UBXN8: variants seen among roughly 807,000 people sequenced by gnomAD.
UBXN8 encodes UBX domain-containing protein 8.
A neutral mutation model predicts 32.1 loss-of-function variants in UBXN8; 27 were observed. That is an observed-to-expected ratio of 0.84 (90% CI 0.62 to 1.16). The LOEUF (loss-of-function observed/expected upper bound fraction) is 1.16. UBXN8 is among the 50% of genes most tolerant of loss of function. The pLI is 0.00. For missense variants in UBXN8, 306 were observed against 311.4 expected (o/e 0.98, Z 0.13); for synonymous variants, 109 against 111.8 (o/e 0.98, Z 0.16).
intron 5 of UBXN8, among the ~76,000 whole-genome samples, chr8:30,760,094 C>T (rs1351358832): frequency 3.7e-5 from 5 of 136,732 alleles, no homozygotes; most frequent in Non-Finnish European, 7.7e-5. Context: ...TGGAGGCTTG[C>T]TCTGTCACCC....
Position 30,753,098 on chromosome 8 carries a change from G to T in UBXN8, c.275G>T (p.Gly92Val). 1.3e-6 allele frequency: 2 copies of T among 1,524,412 alleles called. No individual in the cohort carries two copies. Among genetic ancestry groups the T allele is most frequent in the East Asian group, 2.5e-5 (1 of 40,416 alleles). 94.4% of individuals were successfully genotyped at this position (1,524,412 alleles called of 1,614,324 possible). The stretch of plus-strand genomic sequence containing the variant: ...AGAAAAAAACAACAAGAAGCACAAG[G>T]AGAGAAGGTAAGGCAGAATTTTTAG... ...LVRKKQQEAQ[G>V]EKASRYIENV... Residue 92 changes from glycine to valine, a missense_variant, in exon 3 of 8, where the codon GGA becomes GTA. Coordinates refer to ENST00000265616, the MANE Select transcript of UBXN8 (RefSeq NM_005671.4).
intron 1 of UBXN8, among the ~76,000 whole-genome samples, chr8:30,736,679 G>A (rs996636250): frequency 2.6e-5 from 4 of 152,096 alleles, no homozygotes; most frequent in Non-Finnish European, 5.9e-5. Flanking sequence ...TACCGTGTTG[G>A]CCAGGCTAGT....
At chr8:30,745,441 C>T (rs777834140) in intron 1 of UBXN8, among the ~76,000 whole-genome samples, 12 of 152,132 alleles carry the variant, frequency 7.9e-5, no homozygotes, top group Non-Finnish European at 1.5e-4. Flanking sequence ...ACATGTCTGT[C>T]TCCCTTTTTA....
intron 5 of UBXN8, among the ~76,000 whole-genome samples, chr8:30,759,606 A>T (rs1316227029): frequency 1.3e-5 from 2 of 151,432 alleles, no homozygotes; most frequent in Non-Finnish European, 2.9e-5. Context: ...ACCAAAGTGA[A>T]TGGTTTCTGG....
chr8:30,751,238 G>T (rs1805514170), intron 1 of UBXN8, among the ~76,000 whole-genome samples, 158 bp from the exon 2 acceptor site: 1 of 152,092 alleles, frequency 6.6e-6, no homozygotes, highest in African/African-American at 2.4e-5. Flanking sequence ...TTTGGGTTGG[G>T]CATGTTGGCT....
intron 7 of UBXN8, among the ~76,000 whole-genome samples, chr8:30,764,258 T>C (rs2128757125): frequency 6.6e-6 from 1 of 152,360 alleles, no homozygotes; most frequent in East Asian, 1.9e-4. Context: ...TGGATTTGAC[T>C]ACATAAAAAT....
chr8:30,760,383 GT>G lies in UBXN8; in HGVS notation c.529-500del, dbSNP rs1170822839. On this transcript the variant is annotated intron_variant, in intron 5 of 7. Transcript: ENST00000265616. ...GCTGATACATGTTAACATTTATCCTGTTTTTATATGTATGTATGTGTATATG... is the reference window on the plus strand; with the variant it reads ...GCTGATACATGTTAACATTTATCCTGTTTTATATGTATGTATGTGTATATG... 8.9e-5 allele frequency among the ~76,000 whole-genome samples: 12 copies of G among 134,484 alleles called. No individual in the cohort carries two copies. In the East Asian group the frequency reaches 2.5e-3, roughly 28 times the overall value. 88.2% of individuals were successfully genotyped at this position (134,484 alleles called of 152,430 possible). A position where few individuals can be genotyped will look rare whatever the true frequency, so the allele number is the denominator to read the frequency against.
At chr8:30,743,392 G>T (rs1371814321), upstream of UBXN8, among the ~76,000 whole-genome samples, 2 of 148,022 alleles carry the variant, frequency 1.4e-5, no homozygotes. Flanking sequence ...CTGACCTTGT[G>T]ATCCGCCCGC....
At chr8:30,753,219 A>C in intron 3 of UBXN8, 114 bp downstream of exon 3, 1 of 1,304,808 alleles carries the variant, frequency 7.7e-7, no homozygotes, top group East Asian at 3.0e-5. Context: ...AAAATATATA[A>C]TGAGGTCAAA....
chr8:30,734,939 T>A (rs2128751689), intron 1 of UBXN8, among the ~76,000 whole-genome samples: 1 of 152,136 alleles, frequency 6.6e-6, no homozygotes, highest in African/African-American at 2.4e-5. Flanking sequence ...TGAGACCGTG[T>A]CTCAAAAAAA....
At chr8:30,752,997 T>G (rs1330600559) in intron 2 of UBXN8, 38 bp from the exon 3 acceptor site, 1 of 1,484,930 alleles carries the variant, frequency 6.7e-7, no homozygotes, top group Non-Finnish European at 8.9e-7. Context: ...ATAAGATACT[T>G]GGGAAGTAAA....
intron 1 of UBXN8, among the ~76,000 whole-genome samples, chr8:30,737,452 T>C (rs1345482086): frequency 6.6e-6 from 1 of 152,204 alleles, no homozygotes; most frequent in East Asian, 1.9e-4. Context: ...AAACTAGTCA[T>C]CACACACTAG....
intron 3 of UBXN8, 66 bp from the exon 4 acceptor site, chr8:30,754,599 T>C: frequency 1.3e-6 from 2 of 1,500,120 alleles, no homozygotes; most frequent in Non-Finnish European, 1.8e-6. Context: ...TACAACTTTA[T>C]AGACAGTGTA....
At chr8:30,735,583 A>T (rs936013027) in intron 1 of UBXN8, among the ~76,000 whole-genome samples, 2 of 152,182 alleles carry the variant, frequency 1.3e-5, no homozygotes, top group African/African-American at 2.4e-5. Flanking sequence ...TCACGCCTAT[A>T]ATCCCAGCAC....
chr8:30,764,036 T>C (rs1330122756), intron 7 of UBXN8, among the ~76,000 whole-genome samples: 2 of 152,128 alleles, frequency 1.3e-5, no homozygotes, highest in African/African-American at 4.8e-5. Flanking sequence ...TTAGTGATAA[T>C]TTGGAAAACA....
intron 1 of UBXN8, among the ~76,000 whole-genome samples, chr8:30,736,379 TG>T (rs1458140775): frequency 2.1e-5 from 3 of 141,402 alleles, no homozygotes; most frequent in Non-Finnish European, 4.6e-5. Context: ...TGAAAGATCA[TG>T]GGGGAGATCA....
At chr8:30,731,563 G>A (rs888401683), upstream of UBXN8, among the ~76,000 whole-genome samples, 1 of 152,120 alleles carries the variant, frequency 6.6e-6, no homozygotes, top group African/African-American at 2.4e-5. Context: ...TACCCGGAAC[G>A]GGAGTCATTA....
chr8:30,753,059 G>C lies in UBXN8; in HGVS notation c.236G>C (p.Arg79Thr), dbSNP rs1805555618. The change falls in exon 3 of 8, where the codon AGA becomes ACA. Residue 79 changes from arginine (R) to threonine (T), a missense_variant. Physicochemically the swap from Arg to Thr is moderately conservative, Grantham distance 71 (BLOSUM62 -1). Coordinates refer to ENST00000265616, the MANE Select transcript of UBXN8 (RefSeq NM_005671.4). Reference sequence around the variant, plus strand: ...GAAGAAGAAGAAAAGAATGAGAAAAGACAAAAACTTGTGAGAAAAAAACAA... The same window carrying C: ...GAAGAAGAAGAAAAGAATGAGAAAACACAAAAACTTGTGAGAAAAAAACAA... ...LKEEEEKNEK[R>T]QKLVRKKQQE... 24 of 1,528,428 alleles carry C rather than the reference G, an allele frequency of 1.6e-5. No individual in the cohort carries two copies. Among genetic ancestry groups the C allele is most frequent in the Non-Finnish European group, 2.1e-5 (24 of 1,139,274 alleles). 94.7% of individuals were successfully genotyped at this position (1,528,428 alleles called of 1,614,324 possible).
chr8:30,742,087 C>T (rs1444325747), upstream of UBXN8, among the ~76,000 whole-genome samples: 1 of 152,020 alleles, frequency 6.6e-6, no homozygotes, highest in Non-Finnish European at 1.5e-5. Context: ...ACACAAGATA[C>T]AGACTGTAGA....
Sources: gnomAD v4.1 joint callset for allele counts (sites outside exome capture counted in the v4.1 genomes callset) on GRCh38, gnomAD v4.1.1 for gene constraint, MANE v1.5 for transcripts, NCBI Gene and HGNC (gene_info 2026-07-23, HGNC 2026-07-21) for gene names.